Variants in GRID2 observed in about 807,000 individuals in gnomAD.
GRID2 encodes glutamate ionotropic receptor delta type subunit 2, also known as glutamate receptor ionotropic, delta-2.
A neutral mutation model predicts 114.8 loss-of-function variants in GRID2; 33 were observed. The ratio of observed to expected loss-of-function variants is 0.29; its 90% CI spans 0.22 to 0.38. GRID2 has a LOEUF of 0.38. Among genes scored for constraint, GRID2 ranks in the 10% least tolerant of loss-of-function variants. GRID2 has a pLI of 1.00. For missense variants in GRID2, 1,184 were observed against 1,257.7 expected (o/e 0.94, Z 0.89); for synonymous variants, 505 against 449.9 (o/e 1.12, Z -1.55).
At chr4:93,057,645 G>A (rs935635036) in intron 2 of GRID2, among the ~76,000 whole-genome samples, 13 of 151,854 alleles carry the variant, frequency 8.6e-5, no homozygotes, top group Non-Finnish European at 1.6e-4. Context: ...GACTACAACT[G>A]TGTCAATGAA....
intron 1 of GRID2, among the ~76,000 whole-genome samples, chr4:92,536,716 C>T (rs1338054839): frequency 1.3e-5 from 2 of 151,988 alleles, no homozygotes; most frequent in Non-Finnish European, 2.9e-5. Flanking sequence ...GATTTTTTCT[C>T]TTATATGCCT....
chr4:92,358,156 A>AAT (rs1728433760), intron 1 of GRID2, among the ~76,000 whole-genome samples: 1 of 145,692 alleles, frequency 6.9e-6, no homozygotes, highest in Admixed American at 7.0e-5. Flanking sequence ...CAGGAAGGCT[A>AAT]AGCAGTCTGT....
chr4:92,477,086 TGTGTG>T (rs1560657309), intron 1 of GRID2, among the ~76,000 whole-genome samples: 1 of 144,956 alleles, frequency 6.9e-6, no homozygotes, highest in East Asian at 2.0e-4. Context: ...TGTGTGTGTG[TGTGTG>T]TGTGTGTTTG....
At chr4:93,491,219 G>A in intron 12 of GRID2, among the ~76,000 whole-genome samples, 1 of 151,946 alleles carries the variant, frequency 6.6e-6, no homozygotes, top group East Asian at 2.0e-4. Context: ...TGGGGATTGG[G>A]GAGAAAAGAA....
chr4:93,388,816 G>C (rs1057146637), intron 8 of GRID2, among the ~76,000 whole-genome samples: 7 of 152,190 alleles, frequency 4.6e-5, no homozygotes, highest in Non-Finnish European at 8.8e-5. Context: ...GAAATTGGCA[G>C]AGCTGGGCAA....
chr4:93,630,031 A>G (rs1375953773), intron 14 of GRID2, among the ~76,000 whole-genome samples: 1 of 152,190 alleles, frequency 6.6e-6, no homozygotes, highest in African/African-American at 2.4e-5. Context: ...ATACACTCAC[A>G]TGTATGATTG....
intron 4 of GRID2, among the ~76,000 whole-genome samples, chr4:93,199,785 G>T (rs2149458658): frequency 6.6e-6 from 1 of 152,278 alleles, no homozygotes; most frequent in Admixed American, 6.5e-5. Context: ...CCATCTGCTG[G>T]ATATTCTTGG....
intron 2 of GRID2, among the ~76,000 whole-genome samples, chr4:92,690,968 G>A (rs1734154374): frequency 6.6e-6 from 1 of 152,062 alleles, no homozygotes; most frequent in Non-Finnish European, 1.5e-5. Context: ...TTAGAATGAT[G>A]AAAAGAGAGC....
chr4:93,750,257 A>G (rs1287163371), intron 14 of GRID2, among the ~76,000 whole-genome samples: 1 of 152,348 alleles, frequency 6.6e-6, no homozygotes, highest in African/African-American at 2.4e-5. Context: ...AGGAAAGTTC[A>G]AAAGATGGAT....
chr4:92,467,457 C>G (rs11930169), intron 1 of GRID2, among the ~76,000 whole-genome samples: 55,282 of 151,774 alleles, frequency 0.36, 10,527 homozygotes, highest in African/African-American at 0.47. Context: ...CTACTACACA[C>G]TAATATGTAA....
rs1240273018 is a variant in GRID2, at chr4:92,400,355, C to T, written c.88+95611C>T. 2.0e-5 allele frequency among the ~76,000 whole-genome samples: 3 copies of T among 152,154 alleles called. No individual in the cohort carries two copies. The East Asian group carries it at 5.8e-4, about 29-fold the overall frequency. Reference sequence around the variant, plus strand: ...GACATTTAACACAAATAGAATCATGCAATATGTGGCCTTTTGTCACAGCAT... The same window carrying T: ...GACATTTAACACAAATAGAATCATGTAATATGTGGCCTTTTGTCACAGCAT... On this transcript the variant is annotated intron_variant, in intron 1 of 15. Coordinates refer to ENST00000282020, the MANE Select transcript of GRID2 (RefSeq NM_001510.4).
At chr4:93,443,109 C>T (rs892480428) in intron 10 of GRID2, among the ~76,000 whole-genome samples, 1 of 151,980 alleles carries the variant, frequency 6.6e-6, no homozygotes, top group African/African-American at 2.4e-5. Flanking sequence ...TTCAATGGCC[C>T]TTTAACTGCT....
At chr4:93,297,266 A>C (rs1218652875) in intron 8 of GRID2, among the ~76,000 whole-genome samples, 2 of 152,252 alleles carry the variant, frequency 1.3e-5, no homozygotes, top group Admixed American at 1.3e-4. Context: ...AATATTGATG[A>C]ATGAATAAGT....
intron 8 of GRID2, among the ~76,000 whole-genome samples, chr4:93,280,743 G>A (rs577595183): frequency 2.2e-4 from 33 of 151,980 alleles, no homozygotes; most frequent in South Asian, 6.2e-4. Context: ...GATCTCTTAA[G>A]AATCTTGAAG....
intron 1 of GRID2, among the ~76,000 whole-genome samples, chr4:92,405,787 C>T (rs539025459): frequency 1.1e-4 from 16 of 151,558 alleles, no homozygotes; most frequent in Admixed American, 5.9e-4. Flanking sequence ...AGTATCATCA[C>T]TTCAAAGTAT....
intron 1 of GRID2, among the ~76,000 whole-genome samples, chr4:92,462,529 CTATTTAAAAA>C (rs1721549531): frequency 6.6e-6 from 1 of 151,784 alleles, no homozygotes; most frequent in African/African-American, 2.4e-5. Flanking sequence ...ATAAAGGTCA[CTATTTAAAAA>C]TATTTTTTGT....
intron 2 of GRID2, among the ~76,000 whole-genome samples, chr4:92,956,443 CCT>C (rs1374656832): frequency 6.6e-6 from 1 of 152,190 alleles, no homozygotes; most frequent in African/African-American, 2.4e-5. Context: ...CACAGTTTCA[CCT>C]CTTCCAGAAT....
rs1579213056 is a variant in GRID2, at chr4:93,180,848, A to G, written c.736-26556A>G. ...CAATTCTAATTCTTATTCCCTTGCT[A>G]TTTACAGCACATCTGCCATTACTTC... On this transcript the variant is annotated intron_variant, in intron 4 of 15. Transcript: ENST00000282020. 2.6e-5 allele frequency among the ~76,000 whole-genome samples: 4 copies of G among 152,104 alleles called. No homozygotes were observed. The South Asian group carries it at 8.3e-4, about 32-fold the overall frequency.
intron 15 of GRID2, among the ~76,000 whole-genome samples, chr4:93,771,229 T>C (rs996070142): frequency 1.3e-5 from 2 of 152,210 alleles, no homozygotes; most frequent in African/African-American, 4.8e-5. Context: ...TAGTGAAAAA[T>C]ATAAGGAACT....
Sources: allele counts gnomAD v4.1 joint callset (sites outside exome capture counted in the v4.1 genomes callset), GRCh38; gene constraint gnomAD v4.1.1; transcripts MANE v1.5; gene names NCBI Gene and HGNC (gene_info 2026-07-23, HGNC 2026-07-21).